CD163L1: variants seen among roughly 807,000 people sequenced by gnomAD.
The protein encoded by CD163L1 is scavenger receptor cysteine-rich type 1 protein M160.
CD163L1 carries 124 observed loss-of-function variants against 165.4 expected under a neutral mutation model. That is an observed-to-expected ratio of 0.75 (90% CI 0.65 to 0.87). The LOEUF (loss-of-function observed/expected upper bound fraction) is 0.87. CD163L1 is among the 40% of genes least tolerant of loss of function. The probability of loss-of-function intolerance (pLI) is 0.00; values close to 1 mark genes in which losing one functional copy is unlikely to be tolerated. For synonymous variants in CD163L1, 585 were observed against 662.2 expected, an observed-to-expected ratio of 0.88 and a Z score of 1.79; for missense variants, 1,525 against 1,799.9, an observed-to-expected ratio of 0.85 and a Z score of 2.76.
chr12:7,403,196 A>T (rs1947947043), intron 6 of CD163L1, among the ~76,000 whole-genome samples: 1 of 109,916 alleles, frequency 9.1e-6, no homozygotes, highest in Non-Finnish European at 1.6e-5. Flanking sequence ...TATATTATTA[A>T]ATAAAAAAAG....
At chr12:7,403,425 T>A in intron 6 of CD163L1, 110 bp downstream of exon 6, 1 of 1,027,880 alleles carries the variant, frequency 9.7e-7, no homozygotes, top group Non-Finnish European at 1.4e-6. Context: ...GTATTTTGGG[T>A]TTTTTTTTAA....
the CD163L1 span, among the ~76,000 whole-genome samples, chr12:7,321,316 T>C: frequency 6.6e-6 from 1 of 152,258 alleles, no homozygotes; most frequent in Admixed American, 6.5e-5. Flanking sequence ...ATATTCAATT[T>C]AGCCAAACCA....
At chr12:7,331,500 G>T in the CD163L1 span, among the ~76,000 whole-genome samples, 1 of 152,218 alleles carries the variant, frequency 6.6e-6, no homozygotes. Context: ...GTGGGTCCCT[G>T]ACCCCTGAGT....
At position 7,396,281 on chromosome 12, in the gene CD163L1, T is replaced by C; in HGVS notation, c.1864A>G (p.Ser622Gly). 2 of 1,614,180 alleles carry C rather than the reference T, an allele frequency of 1.2e-6. No individual in the cohort carries two copies. Among genetic ancestry groups the C allele is most frequent in the Non-Finnish European group, 1.7e-6 (2 of 1,180,032 alleles). ...WNSKAAAVVC[S>G]QLDCPSSIIG... is the part of the protein sequence containing the mutation. ...ATAGAAGATGGGCAGTCCAGCTGGC[T>C]ACACACCACAGCTGCAGCTTTACTG... is the stretch of plus-strand genomic sequence containing the variant. The change falls in exon 8 of 20, where the codon AGC (serine) becomes GGC (glycine). Residue 622 changes from serine to glycine, a missense_variant. Ser to Gly is a moderately conservative substitution (Grantham distance 56). Coordinates refer to ENST00000313599, the MANE Select transcript of CD163L1 (RefSeq NM_174941.6).
Position 7,375,728 on chromosome 12 carries a change from G to C in CD163L1, c.2658C>G (p.His886Gln), listed in dbSNP as rs754428953. 6.2e-7 allele frequency: 1 copy of C among 1,614,230 alleles called. No homozygotes were observed. The highest frequency in any genetic ancestry group is 8.5e-7 in the Non-Finnish European group (1 of 1,180,036). The change falls in exon 10 of 20, where the codon CAC becomes CAG. Residue 886 changes from histidine to glutamine, a missense_variant. By Grantham distance (24) the His-to-Gln change is conservative (BLOSUM62 0). Transcript: ENST00000313599. ...AACAGACAACTCCAACTTCTCTGCT[G>C]TGGATACAAGTGTCTTCCGGATGTT... is the stretch of plus-strand genomic sequence containing the variant. The part of the protein sequence containing the change: ...IVQHPEDTCI[H>Q]SREVGVVCSR...
At chr12:7,351,155 GGATA>G (rs1476690278), downstream of CD163L1, among the ~76,000 whole-genome samples, 13 of 151,900 alleles carry the variant, frequency 8.6e-5, no homozygotes, top group African/African-American at 2.7e-4. Flanking sequence ...ATATATAGAT[GGATA>G]GATATACATC....
the CD163L1 span, among the ~76,000 whole-genome samples, chr12:7,332,722 C>G: frequency 1.1e-4 from 16 of 152,154 alleles, no homozygotes; most frequent in Admixed American, 1.0e-3. Context: ...ACTTCACAGA[C>G]AAGCAAGTGC....
Position 7,374,372 on chromosome 12 carries a change from C to T in CD163L1, c.3409+70G>A, listed in dbSNP as rs183654480. 1.8e-5 allele frequency: 27 copies of T among 1,470,644 alleles called. 2 individuals are homozygous for T. The African/African-American group carries it at 2.4e-4, about 13-fold the overall frequency. 91.1% of individuals were successfully genotyped at this position (1,470,644 alleles called of 1,614,324 possible). On this transcript the variant is annotated intron_variant, in intron 13 of 19. Transcript: ENST00000313599. This position sits in a 1 kb window ranked among gnomAD's most constrained non-coding sequence, Gnocchi z 5.4. ...GCCATACACTTTTCACTACACTTTA[C>T]AATTGTGTTGTGTGTGTGCAAGTGT...
chr12:7,414,078 C>T (rs567390641), intron 4 of CD163L1, among the ~76,000 whole-genome samples: 16 of 152,028 alleles, frequency 1.1e-4, no homozygotes, highest in Non-Finnish European at 2.1e-4. Flanking sequence ...GGAAATATGG[C>T]ACTACCAAAG....
intron 2 of CD163L1, chr12:7,439,341 T>C: frequency 6.3e-7 from 1 of 1,591,916 alleles, no homozygotes; most frequent in Non-Finnish European, 8.6e-7. Context: ...TTCATCTTTT[T>C]TGGGCTTTTT....
At chr12:7,389,425 C>T (rs982514944) in intron 8 of CD163L1, among the ~76,000 whole-genome samples, 1 of 152,054 alleles carries the variant, frequency 6.6e-6, no homozygotes, top group Non-Finnish European at 1.5e-5. Context: ...AGGCAAACAT[C>T]GCATGCTCTC....
At position 7,369,087 on chromosome 12, in the gene CD163L1, T is replaced by G; in HGVS notation, c.4040-122A>C. The G allele has an allele frequency of 8.8e-7, 1 of 1,130,736 alleles. No individual in the cohort carries two copies. Among genetic ancestry groups the G allele is most frequent in the Non-Finnish European group, 1.3e-6 (1 of 778,990 alleles). 70.0% of individuals were successfully genotyped at this position (1,130,736 alleles called of 1,614,324 possible). ...TCCTTTTAACATCTCCTGTGAATACTGGATGTCATTTAAAATATCAGTCAG... is the reference window on the plus strand; with the variant it reads ...TCCTTTTAACATCTCCTGTGAATACGGGATGTCATTTAAAATATCAGTCAG... On this transcript the variant is annotated intron_variant, in intron 15 of 19. Transcript: ENST00000313599. This position sits in a 1 kb window ranked among gnomAD's most constrained non-coding sequence, Gnocchi z 4.9.
chr12:7,381,407 G>T (rs1014267569), intron 8 of CD163L1, among the ~76,000 whole-genome samples: 1 of 152,154 alleles, frequency 6.6e-6, no homozygotes, highest in African/African-American at 2.4e-5. Context: ...ATATAATCTT[G>T]TGTAGATATG....
chr12:7,346,513 A>G (rs1799440997), downstream of CD163L1, among the ~76,000 whole-genome samples: 1 of 151,804 alleles, frequency 6.6e-6, no homozygotes, highest in Admixed American at 6.6e-5. Flanking sequence ...TTTCCTGCCA[A>G]TGTTGTTTCA....
chr12:7,409,333 A>G (rs1462444502), intron 4 of CD163L1, among the ~76,000 whole-genome samples: 1 of 152,192 alleles, frequency 6.6e-6, no homozygotes, highest in East Asian at 1.9e-4. Flanking sequence ...GAGACCCTCA[A>G]TAACAGCATT....
chr12:7,418,123 A>C (rs1041837544), intron 4 of CD163L1, among the ~76,000 whole-genome samples: 1 of 152,106 alleles, frequency 6.6e-6, no homozygotes, highest in African/African-American at 2.4e-5. Flanking sequence ...AAAATAGACT[A>C]TATGTTATGC....
downstream of CD163L1, among the ~76,000 whole-genome samples, chr12:7,351,020 T>G (rs909314462): frequency 1.4e-4 from 22 of 152,120 alleles, no homozygotes; most frequent in African/African-American, 5.3e-4. Flanking sequence ...TTCAATAATA[T>G]TATTTGTAAT....
chr12:7,419,639 A>C (rs904487537), intron 4 of CD163L1, among the ~76,000 whole-genome samples: 3 of 152,142 alleles, frequency 2.0e-5, no homozygotes, highest in African/African-American at 7.2e-5. Flanking sequence ...CCTAGAACTG[A>C]TAAAAGAATT....
At chr12:7,334,647 C>T in the CD163L1 span, among the ~76,000 whole-genome samples, 1 of 152,104 alleles carries the variant, frequency 6.6e-6, no homozygotes, top group Non-Finnish European at 1.5e-5. Context: ...CCAGGGCAAT[C>T]AGGCAGGAGA....
Sources: gnomAD v4.1 joint callset for allele counts (sites outside exome capture counted in the v4.1 genomes callset) on GRCh38, gnomAD v4.1.1 for gene constraint, Gnocchi (gnomAD v3.1) non-coding constraint, MANE v1.5 for transcripts, NCBI Gene and HGNC (gene_info 2026-07-23, HGNC 2026-07-21) for gene names.